HEPHL1: variants seen among roughly 807,000 people sequenced by gnomAD.
The protein encoded by HEPHL1 is hephaestin like 1, also known as ferroxidase HEPHL1.
HEPHL1 carries 123 observed loss-of-function variants against 122.0 expected under a neutral mutation model. That is an observed-to-expected ratio of 1.01 (90% CI 0.87 to 1.17). The LOEUF (loss-of-function observed/expected upper bound fraction) is 1.17, where lower values mean the gene tolerates loss of function less well. Ranked by LOEUF, HEPHL1 falls within the 50% of genes most tolerant of loss-of-function variation. The pLI is 0.00. For synonymous variants in HEPHL1, 527 were observed against 508.9 expected, an observed-to-expected ratio of 1.04 and a Z score of -0.48; for missense variants, 1,452 against 1,430.5, an observed-to-expected ratio of 1.01 and a Z score of -0.24.
chr11:94,062,511 A>G (rs540755866), intron 2 of HEPHL1, among the ~76,000 whole-genome samples: 78 of 152,312 alleles, frequency 5.1e-4, no homozygotes, highest in South Asian at 3.9e-3. Flanking sequence ...TTGTATTCCT[A>G]ATGCCTAGCA....
At chr11:94,082,999 G>T (rs1402653941) in intron 10 of HEPHL1, among the ~76,000 whole-genome samples, 4 of 151,518 alleles carry the variant, frequency 2.6e-5, no homozygotes, top group Non-Finnish European at 5.9e-5. Flanking sequence ...TGAGGCAGGA[G>T]AATTGCTTGA....
chr11:94,030,155 C>T (rs1945660244), intron 1 of HEPHL1, among the ~76,000 whole-genome samples: 1 of 152,160 alleles, frequency 6.6e-6, no homozygotes, highest in Non-Finnish European at 1.5e-5. Flanking sequence ...TTTTACCCAT[C>T]AGGCTGAACC....
chr11:94,093,672 G>C (rs760448420), intron 13 of HEPHL1, 32 bp downstream of exon 13: 1 of 1,600,920 alleles, frequency 6.2e-7, no homozygotes, highest in Admixed American at 1.8e-5. Flanking sequence ...TGCACTGTCA[G>C]CCCCAAGCAT....
chr11:94,113,668 TCA>T lies in HEPHL1; in HGVS notation c.*1775_*1776del, dbSNP rs1946469546. 6.6e-6 allele frequency: 1 copy of T among 152,182 alleles called. No homozygotes were observed. The highest frequency in any genetic ancestry group is 1.5e-5 in the Non-Finnish European group (1 of 68,030). 9.4% of individuals were successfully genotyped at this position (152,182 alleles called of 1,614,324 possible). A position where few individuals can be genotyped will look rare whatever the true frequency, so the allele number is the denominator to read the frequency against. ...GTTGTTCAGTTGTTTTTTTTTCTTT[TCA>T]GTTTATTTTTTTAATGAAAACAAAA... On this transcript the variant is annotated 3_prime_UTR_variant, in exon 20 of 20. Transcript: ENST00000315765.
At chr11:94,108,614 A>G (rs1184370327) in intron 17 of HEPHL1, among the ~76,000 whole-genome samples, 1 of 151,718 alleles carries the variant, frequency 6.6e-6, no homozygotes, top group South Asian at 2.1e-4. Context: ...TTTTTCATAT[A>G]TATGTCCAAA....
chr11:94,046,091 C>CTTTTTTTTTTTT (rs755367459), intron 2 of HEPHL1, among the ~76,000 whole-genome samples, 174 bp downstream of exon 2: 1,356 of 65,038 alleles, frequency 0.021, 326 homozygotes, highest in East Asian at 0.038. Flanking sequence ...CCCTTTCTTG[C>CTTTTTTTTTTTT]TTTTTTTTTT....
At chr11:94,100,962 C>T (rs1163347963) in intron 13 of HEPHL1, among the ~76,000 whole-genome samples, 1 of 152,100 alleles carries the variant, frequency 6.6e-6, no homozygotes, top group Non-Finnish European at 1.5e-5. Context: ...CATCACTTAC[C>T]CAAGGCCCCT....
intron 13 of HEPHL1, among the ~76,000 whole-genome samples, 169 bp downstream of exon 13, chr11:94,093,809 C>A (rs1946282055): frequency 6.6e-6 from 1 of 151,304 alleles, no homozygotes; most frequent in Non-Finnish European, 1.5e-5. Flanking sequence ...AGGGAGTGTG[C>A]TGAGTGCTCA....
At position 94,075,171 on chromosome 11, in the gene HEPHL1, C is replaced by G; in HGVS notation, c.1505-3C>G. ...TGAATAATTGTTTTGTTTATATCCT[C>G]AGGATTTGTGAAACCAGGGGCGCAT... On this transcript the variant is annotated splice_region_variant and splice_polypyrimidine_tract_variant and intron_variant, in intron 8 of 19. Transcript: ENST00000315765. The G allele has an allele frequency of 5.6e-6, 9 of 1,611,452 alleles. No individual in the cohort carries two copies. Among genetic ancestry groups the G allele is most frequent in the Non-Finnish European group, 6.8e-6 (8 of 1,178,556 alleles).
At chr11:94,041,539 G>C (rs1945779046) in intron 1 of HEPHL1, among the ~76,000 whole-genome samples, 2 of 89,356 alleles carry the variant, frequency 2.2e-5, no homozygotes. Context: ...TAGATCAATG[G>C]AACAGAACAG....
At chr11:94,054,592 A>G (rs7127348) in intron 2 of HEPHL1, among the ~76,000 whole-genome samples, 76,303 of 152,060 alleles carry the variant, frequency 0.5, 19,944 homozygotes, top group South Asian at 0.59. Context: ...ATTGAGGCCT[A>G]CCTTTTCAAT....
intron 10 of HEPHL1, among the ~76,000 whole-genome samples, chr11:94,083,688 A>AG (rs1946192309): frequency 1.3e-5 from 2 of 152,214 alleles, no homozygotes; most frequent in Non-Finnish European, 2.9e-5. Context: ...CATGGCAACC[A>AG]GGTCACAGAC....
intron 1 of HEPHL1, among the ~76,000 whole-genome samples, chr11:94,034,653 T>C (rs773856324): frequency 2.6e-4 from 39 of 152,134 alleles, no homozygotes; most frequent in African/African-American, 2.9e-4. Flanking sequence ...GGGAGAGCAA[T>C]GCAGAAAAGA....
At chr11:94,026,535 A>G (rs907689842) in intron 1 of HEPHL1, among the ~76,000 whole-genome samples, 2 of 152,174 alleles carry the variant, frequency 1.3e-5, no homozygotes, top group Non-Finnish European at 2.9e-5. Context: ...TCCCACCTCC[A>G]TATGATGGAC....
intron 13 of HEPHL1, among the ~76,000 whole-genome samples, chr11:94,097,717 T>C (rs1307448323): frequency 1.3e-5 from 2 of 152,212 alleles, no homozygotes; most frequent in Non-Finnish European, 2.9e-5. Flanking sequence ...TGGGTGTATA[T>C]ATATTTAGGT....
At position 94,075,354 on chromosome 11, in the gene HEPHL1, A is replaced by G; in HGVS notation, c.1685A>G (p.Lys562Arg). 3 of 1,613,096 alleles carry G rather than the reference A, an allele frequency of 1.9e-6. No individual in the cohort carries two copies. Among genetic ancestry groups the G allele is most frequent in the Non-Finnish European group, 2.5e-6 (3 of 1,179,554 alleles). The change falls in exon 9 of 20, where the codon AAA (lysine) becomes AGA (arginine). Residue 562 changes from lysine (K) to arginine (R), a missense_variant. Coordinates refer to ENST00000315765, the MANE Select transcript of HEPHL1 (RefSeq NM_001098672.2). ...SGLVGPLLVCKKGVLNADGTQ... is the reference protein window; with the variant it reads ...SGLVGPLLVCRKGVLNADGTQ... The stretch of plus-strand genomic sequence containing the variant: ...CTGGTAGGGCCTTTGCTAGTCTGTA[A>G]AAAGGGCGTCCTCAATGCTGATGGG...
At chr11:94,080,088 A>G (rs1040763126) in intron 9 of HEPHL1, among the ~76,000 whole-genome samples, 1 of 152,216 alleles carries the variant, frequency 6.6e-6, no homozygotes, top group African/African-American at 2.4e-5. Context: ...GTACTGATAC[A>G]AAGTCAGACA....
chr11:94,070,653 A>G, intron 6 of HEPHL1, 111 bp downstream of exon 6: 2 of 828,220 alleles, frequency 2.4e-6, no homozygotes, highest in South Asian at 1.9e-5. Context: ...CTTATACTGC[A>G]TAGATGGCAT....
At chr11:94,030,952 T>C (rs1945669559) in intron 1 of HEPHL1, among the ~76,000 whole-genome samples, 2 of 152,088 alleles carry the variant, frequency 1.3e-5, no homozygotes, top group Admixed American at 6.5e-5. Context: ...TGAGCAGGGA[T>C]AGTGAGCAGA....
Sources: gnomAD v4.1 joint callset for allele counts (sites outside exome capture counted in the v4.1 genomes callset) on GRCh38, gnomAD v4.1.1 for gene constraint, MANE v1.5 for transcripts, NCBI Gene and HGNC (gene_info 2026-07-23, HGNC 2026-07-21) for gene names.